FLT1: variants seen among roughly 807,000 people sequenced by gnomAD.
The protein encoded by FLT1 is fms related receptor tyrosine kinase 1.
Under a neutral mutation model 156.3 loss-of-function variants are expected in FLT1, and 49 were observed. The ratio of observed to expected loss-of-function variants is 0.31; its 90% CI spans 0.25 to 0.40. FLT1 has a LOEUF of 0.40. Ranked by LOEUF, FLT1 falls within the 10% of genes least tolerant of loss-of-function variation. The pLI, the probability that FLT1 is intolerant of heterozygous loss-of-function variation, is 1.00. For missense variants in FLT1, 1,322 were observed against 1,637.2 expected (o/e 0.81, Z 3.32); for synonymous variants, 594 against 583.8 (o/e 1.02, Z -0.25).
At chr13:28,490,849 C>T (rs983901301) in intron 1 of FLT1, among the ~76,000 whole-genome samples, 1 of 152,152 alleles carries the variant, frequency 6.6e-6, no homozygotes, top group African/African-American at 2.4e-5. Context: ...TTACTTGATA[C>T]CCAACACACC....
chr13:28,408,773 C>T (rs999320417), intron 10 of FLT1, among the ~76,000 whole-genome samples: 10 of 152,188 alleles, frequency 6.6e-5, no homozygotes, highest in Non-Finnish European at 1.0e-4. Context: ...TCAGCCTCAG[C>T]TCGGCGCTGT....
intron 24 of FLT1, among the ~76,000 whole-genome samples, chr13:28,318,904 T>C (rs959758421): frequency 6.6e-6 from 1 of 152,214 alleles, no homozygotes; most frequent in Non-Finnish European, 1.5e-5. Flanking sequence ...GTGTTGTTTA[T>C]TGCTTATCCT....
chr13:28,359,852 T>C (rs1192479973), intron 14 of FLT1, among the ~76,000 whole-genome samples: 1 of 152,204 alleles, frequency 6.6e-6, no homozygotes, highest in Non-Finnish European at 1.5e-5. Context: ...GGCTCATGCC[T>C]GTAATCCCAG....
At chr13:28,318,693 A>G (rs1296949884) in intron 24 of FLT1, among the ~76,000 whole-genome samples, 1 of 152,188 alleles carries the variant, frequency 6.6e-6, no homozygotes, top group East Asian at 1.9e-4. Context: ...CAGGGATGTT[A>G]CTGGGTGACT....
intron 1 of FLT1, among the ~76,000 whole-genome samples, chr13:28,478,777 G>A (rs1270514371): frequency 2.6e-5 from 4 of 152,152 alleles, no homozygotes; most frequent in Admixed American, 2.6e-4. Context: ...AGAAAGGCTG[G>A]CAAACAGGCA....
intron 10 of FLT1, among the ~76,000 whole-genome samples, chr13:28,426,086 T>C (rs1877323409): frequency 6.6e-6 from 1 of 151,968 alleles, no homozygotes; most frequent in South Asian, 2.1e-4. Context: ...GCCACTTCTA[T>C]CTGTTTATGT....
chr13:28,336,830 C>G (rs1398423766), intron 17 of FLT1, among the ~76,000 whole-genome samples: 1 of 151,184 alleles, frequency 6.6e-6, no homozygotes, highest in African/African-American at 2.4e-5. Context: ...TCACGGCAAC[C>G]TCCACCTCCT....
intron 10 of FLT1, among the ~76,000 whole-genome samples, chr13:28,421,823 C>T (rs1376900598): frequency 1.3e-5 from 2 of 152,146 alleles, no homozygotes; most frequent in Admixed American, 6.5e-5. Context: ...TCATTCATAG[C>T]TGTGTATGAT....
chr13:28,412,281 T>G (rs1487352375), intron 10 of FLT1, among the ~76,000 whole-genome samples: 1 of 152,138 alleles, frequency 6.6e-6, no homozygotes, highest in Non-Finnish European at 1.5e-5. Context: ...ACACTATCTT[T>G]CCCCCTTCTC....
chr13:28,451,316 G>A (rs990460635), intron 3 of FLT1, among the ~76,000 whole-genome samples: 6 of 152,246 alleles, frequency 3.9e-5, no homozygotes, highest in Admixed American at 2.6e-4. Flanking sequence ...CCAGCTACTC[G>A]GGAGGCTGAG....
intron 24 of FLT1, among the ~76,000 whole-genome samples, chr13:28,318,287 G>T (rs1871286829): frequency 6.6e-6 from 1 of 152,176 alleles, no homozygotes; most frequent in Non-Finnish European, 1.5e-5. Context: ...TTGCGCTCCA[G>T]GGCTGGGCTG....
chr13:28,407,122 C>T (rs531466650), intron 10 of FLT1, among the ~76,000 whole-genome samples: 2 of 152,272 alleles, frequency 1.3e-5, no homozygotes, highest in African/African-American at 2.4e-5. Context: ...GACAAATCGA[C>T]GTATTCACTC....
intron 11 of FLT1, among the ~76,000 whole-genome samples, chr13:28,398,197 T>A (rs1283322613): frequency 6.6e-6 from 1 of 152,220 alleles, no homozygotes; most frequent in Admixed American, 6.5e-5. Context: ...TACTTATAAA[T>A]CTTTGCAGCC....
At chr13:28,344,684 A>G (rs750499504) in intron 16 of FLT1, among the ~76,000 whole-genome samples, 1 of 151,902 alleles carries the variant, frequency 6.6e-6, no homozygotes, top group Non-Finnish European at 1.5e-5. Context: ...CCTGGACCTC[A>G]CACTCTAAAG....
At chr13:28,386,147 G>T (rs889775914) in intron 13 of FLT1, 2 of 1,053,288 alleles carry the variant, frequency 1.9e-6, no homozygotes, top group African/African-American at 1.7e-5. Flanking sequence ...AACTGTGAAG[G>T]CAGCTTAGGA....
At chr13:28,394,243 C>A (rs1320732109) in intron 12 of FLT1, among the ~76,000 whole-genome samples, 3 of 152,140 alleles carry the variant, frequency 2.0e-5, no homozygotes, top group Non-Finnish European at 4.4e-5. Flanking sequence ...ATATTCCAGG[C>A]AATGAGGGCT....
rs760826967 is a variant in FLT1, at chr13:28,324,002, C to T, written c.2797-1056G>A. On this transcript the variant is annotated intron_variant, in intron 20 of 29. Coordinates refer to ENST00000282397, the MANE Select transcript of FLT1 (RefSeq NM_002019.4). ...TCATTTGGCTCTTCCATTAATCATG[C>T]GATCTTGGGCAAGTCACCTTACTTT... Among the ~76,000 whole-genome samples the T allele has an allele frequency of 1.8e-4, 28 of 152,178 alleles. 1 individual carries two copies. Among genetic ancestry groups the T allele is most frequent in the Non-Finnish European group, 2.9e-4 (20 of 68,032 alleles).
Position 28,412,322 on chromosome 13 carries a change from TTTCTTTCTTTTC to T in FLT1, c.1437-6440_1437-6429del, listed in dbSNP as rs1255497603. Among the ~76,000 whole-genome samples, 16 of 36,282 alleles carry T rather than the reference TTTCTTTCTTTTC, an allele frequency of 4.4e-4. No individual in the cohort carries two copies. In the East Asian group the frequency reaches 0.013, roughly 30 times the overall value. The allele number at this position is 36,282 out of a possible 152,430, so 23.8% of individuals were successfully genotyped here. A position where few individuals can be genotyped will look rare whatever the true frequency, so the allele number is the denominator to read the frequency against. On this transcript the variant is annotated intron_variant, in intron 10 of 29. Transcript: ENST00000282397. The stretch of plus-strand genomic sequence containing the variant: ...TTTTCTCTTTCTCTTTCTTTCTTTC[TTTCTTTCTTTTC>T]TTTCTTTCTTTCTTTCTCTTTCTTT...
At chr13:28,311,506 C>A (rs970818824) in intron 27 of FLT1, 84 bp downstream of exon 27, 2 of 1,175,662 alleles carry the variant, frequency 1.7e-6, no homozygotes, top group Non-Finnish European at 1.2e-6. Context: ...TTCTCTCTTT[C>A]GTCTTTCTTT....
Sources: gnomAD v4.1 joint callset for allele counts (sites outside exome capture counted in the v4.1 genomes callset) on GRCh38, gnomAD v4.1.1 for gene constraint, MANE v1.5 for transcripts, NCBI Gene and HGNC (gene_info 2026-07-23, HGNC 2026-07-21) for gene names.